Variants in TMCO4 observed in about 807,000 individuals in gnomAD.
The protein encoded by TMCO4 is transmembrane and coiled-coil domain-containing protein 4.
Under a neutral mutation model 64.7 loss-of-function variants are expected in TMCO4, and 58 were observed. The ratio of observed to expected loss-of-function variants is 0.90; its 90% CI spans 0.73 to 1.12. The LOEUF (loss-of-function observed/expected upper bound fraction) is 1.12, where lower values mean the gene tolerates loss of function less well. Ranked by LOEUF, TMCO4 falls within the 50% of genes most tolerant of loss-of-function variation. The pLI is 0.00. For missense variants in TMCO4, 780 were observed against 825.9 expected (o/e 0.94, Z 0.68); for synonymous variants, 325 against 346.1 (o/e 0.94, Z 0.68).
chr1:19,735,590 T>G (rs970228007), intron 13 of TMCO4, among the ~76,000 whole-genome samples: 1 of 152,156 alleles, frequency 6.6e-6, no homozygotes, highest in Non-Finnish European at 1.5e-5. Context: ...TCTTCCCTCT[T>G]TCCAGTTTCC....
chr1:19,695,611 G>A (rs2095230980), intron 14 of TMCO4, among the ~76,000 whole-genome samples: 1 of 152,162 alleles, frequency 6.6e-6, no homozygotes, highest in Non-Finnish European at 1.5e-5. Context: ...TTGGAATCCT[G>A]GTGGCCCTGT....
chr1:19,726,004 C>G, intron 13 of TMCO4, among the ~76,000 whole-genome samples: 1 of 152,236 alleles, frequency 6.6e-6, no homozygotes, highest in Non-Finnish European at 1.5e-5. Flanking sequence ...GCCCTCACAG[C>G]AAACTTCATG....
chr1:19,739,377 C>A (rs1026208959), intron 12 of TMCO4, among the ~76,000 whole-genome samples: 2 of 152,242 alleles, frequency 1.3e-5, no homozygotes, highest in Non-Finnish European at 2.9e-5. Flanking sequence ...CACCAGGCCA[C>A]CAGCATGTGG....
chr1:19,758,153 T>C (rs2042347026), intron 6 of TMCO4, among the ~76,000 whole-genome samples: 2 of 152,194 alleles, frequency 1.3e-5, no homozygotes, highest in South Asian at 2.1e-4. Context: ...GTCTTGAAGT[T>C]TGAGGTTTCG....
chr1:19,746,343 C>A, intron 9 of TMCO4, 113 bp downstream of exon 9: 1 of 1,471,126 alleles, frequency 6.8e-7, no homozygotes, highest in Non-Finnish European at 9.2e-7. Flanking sequence ...AAAGCCACGT[C>A]TCCTCTGTCT....
At chr1:19,769,846 G>A (rs1222850260) in intron 6 of TMCO4, among the ~76,000 whole-genome samples, 2 of 120,340 alleles carry the variant, frequency 1.7e-5, no homozygotes, top group African/African-American at 6.1e-5. Flanking sequence ...ACCAGTTTTG[G>A]GGAAGACAGT....
intron 10 of TMCO4, among the ~76,000 whole-genome samples, chr1:19,742,704 C>T (rs2095485051): frequency 6.6e-6 from 1 of 152,206 alleles, no homozygotes. Context: ...AGGCACCATG[C>T]CCTTCTGACC....
chr1:19,783,649 C>T (rs910724366), intron 3 of TMCO4, among the ~76,000 whole-genome samples: 3 of 152,176 alleles, frequency 2.0e-5, no homozygotes, highest in Non-Finnish European at 2.9e-5. Flanking sequence ...TGAACCATTA[C>T]GATTCCCTCT....
intron 14 of TMCO4, among the ~76,000 whole-genome samples, chr1:19,695,107 C>T (rs1351900734): frequency 6.6e-6 from 1 of 152,194 alleles, no homozygotes; most frequent in Non-Finnish European, 1.5e-5. Flanking sequence ...GGTCTCCCTG[C>T]CCTCAGGCAG....
At chr1:19,795,634 C>T (rs1351255539) in intron 2 of TMCO4, among the ~76,000 whole-genome samples, 2 of 152,220 alleles carry the variant, frequency 1.3e-5, no homozygotes, top group East Asian at 3.9e-4. Context: ...CTATTATCAC[C>T]CTTCCACAGA....
chr1:19,771,323 C>G lies in TMCO4; in HGVS notation c.339G>C (p.Pro113=). Reference sequence around the variant, plus strand: ...TTGGGTGTACCTGAGTGATCACCGTCGGGTCGTCCTTCAAGATGGGGTCCT... The same window carrying G: ...TTGGGTGTACCTGAGTGATCACCGTGGGGTCGTCCTTCAAGATGGGGTCCT... The part of the protein sequence containing the change: ...LLKDPILKDD[P]TVITQDLLSF... The change falls in exon 5 of 16, where the codon CCG becomes CCC. Residue 113 remains proline (P), a synonymous_variant. Transcript: ENST00000294543. The G allele has an allele frequency of 1.2e-6, 2 of 1,613,994 alleles. No individual in the cohort carries two copies. The highest frequency in any genetic ancestry group is 1.7e-6 in the Non-Finnish European group (2 of 1,179,942).
At chr1:19,748,126 T>C (rs1557561069) in intron 7 of TMCO4, among the ~76,000 whole-genome samples, 1 of 152,198 alleles carries the variant, frequency 6.6e-6, no homozygotes, top group African/African-American at 2.4e-5. Flanking sequence ...ATATTATAGA[T>C]GAATTAAGGG....
At chr1:19,779,303 A>G (rs1401215678) in intron 4 of TMCO4, among the ~76,000 whole-genome samples, 4 of 151,690 alleles carry the variant, frequency 2.6e-5, no homozygotes, top group African/African-American at 9.7e-5. Context: ...CACCCGCAAC[A>G]CTCAACCTCT....
intron 2 of TMCO4, among the ~76,000 whole-genome samples, chr1:19,792,123 T>C (rs1436711553): frequency 6.6e-6 from 1 of 152,158 alleles, no homozygotes; most frequent in Non-Finnish European, 1.5e-5. Flanking sequence ...TTAAACATCT[T>C]TTTCTTTATA....
intron 15 of TMCO4, among the ~76,000 whole-genome samples, chr1:19,688,539 G>T (rs1414069353): frequency 6.6e-6 from 1 of 152,114 alleles, no homozygotes; most frequent in Non-Finnish European, 1.5e-5. Context: ...TACCACGTGG[G>T]CTGGCTGTGT....
chr1:19,684,063 CTTTT>C (rs3048209), intron 15 of TMCO4, among the ~76,000 whole-genome samples: 11 of 70,316 alleles, frequency 1.6e-4, no homozygotes, highest in Admixed American at 5.1e-4. Context: ...TGCCCGGCAG[CTTTT>C]TTTTTTTTTT....
At position 19,690,073 on chromosome 1, in the gene TMCO4, T is replaced by C. The variant is rs116355077; in HGVS notation, c.1500+4361A>G. 7.9e-3 allele frequency among the ~76,000 whole-genome samples: 1,204 copies of C among 152,358 alleles called. 17 individuals carry two copies. Among genetic ancestry groups the C allele is most frequent in the African/African-American group, 0.027 (1,116 of 41,578 alleles). On this transcript the variant is annotated intron_variant, in intron 15 of 15. Coordinates refer to ENST00000294543, the MANE Select transcript of TMCO4 (RefSeq NM_181719.7). ...CATAAAAGCCCCAGACTCAGCCACA[T>C]TGTGGGGACTTTCCTGCCTTTGGGT...
intron 13 of TMCO4, among the ~76,000 whole-genome samples, chr1:19,713,411 G>C (rs1042525333): frequency 6.6e-6 from 1 of 152,130 alleles, no homozygotes; most frequent in East Asian, 1.9e-4. Context: ...GGGAAGGGGT[G>C]GGGGAAACAC....
intron 15 of TMCO4, among the ~76,000 whole-genome samples, chr1:19,692,256 C>T (rs150630450): frequency 1.8e-4 from 27 of 152,238 alleles, no homozygotes; most frequent in South Asian, 2.1e-4. Flanking sequence ...CTCCCCTCCC[C>T]GCCTCCCCCT....
Sources: allele counts gnomAD v4.1 joint callset (sites outside exome capture counted in the v4.1 genomes callset), GRCh38; gene constraint gnomAD v4.1.1; transcripts MANE v1.5; gene names NCBI Gene and HGNC (gene_info 2026-07-23, HGNC 2026-07-21).